The following ANKRD12 variants were observed in gnomAD, a reference collection of about 807,000 sequenced individuals.
The protein encoded by ANKRD12 is ankyrin repeat domain-containing protein 12.
In ANKRD12, 85 loss-of-function variants were observed where a neutral mutation model predicts 183.4. The observed-to-expected ratio is 0.46, with a 90% CI of 0.39 to 0.56. The LOEUF is 0.56. Among genes scored for constraint, ANKRD12 ranks in the 20% least tolerant of loss-of-function variants. The pLI, the probability that ANKRD12 is intolerant of heterozygous loss-of-function variation, is 0.00. For synonymous variants in ANKRD12, 914 were observed against 800.2 expected (o/e 1.14, Z -2.40); for missense variants, 2,405 against 2,357.1 (o/e 1.02, Z -0.42).
intron 2 of ANKRD12, among the ~76,000 whole-genome samples, chr18:9,189,499 C>T (rs1198050176): frequency 6.6e-6 from 1 of 152,138 alleles, no homozygotes; most frequent in Non-Finnish European, 1.5e-5. Context: ...GAAAAAGATA[C>T]CATGTAGGAC....
chr18:9,280,525 A>T (rs1008133912), intron 12 of ANKRD12, among the ~76,000 whole-genome samples: 6 of 152,214 alleles, frequency 3.9e-5, no homozygotes, highest in African/African-American at 1.2e-4. Flanking sequence ...GTGGCAGTTC[A>T]CACGTGTAAT....
chr18:9,208,593 C>T, intron 4 of ANKRD12, 64 bp from the exon 5 acceptor site: 1 of 1,459,328 alleles, frequency 6.9e-7, no homozygotes, highest in Non-Finnish European at 9.2e-7. Flanking sequence ...AAAAATTCAT[C>T]TTAAACTTGC....
chr18:9,204,108 G>GT (rs1251086261), intron 3 of ANKRD12, among the ~76,000 whole-genome samples: 4 of 152,174 alleles, frequency 2.6e-5, no homozygotes, highest in African/African-American at 9.7e-5. Context: ...AACAAAAAGT[G>GT]TAAGACAAGT....
At chr18:9,193,640 C>A (rs114980156) in intron 2 of ANKRD12, among the ~76,000 whole-genome samples, 2 of 152,162 alleles carry the variant, frequency 1.3e-5, no homozygotes, top group East Asian at 3.9e-4. Flanking sequence ...AAAAAAATGA[C>A]ATTAATTTGT....
At chr18:9,161,637 A>G (rs889473526) in intron 1 of ANKRD12, among the ~76,000 whole-genome samples, 24 of 151,992 alleles carry the variant, frequency 1.6e-4, no homozygotes, top group African/African-American at 5.1e-4. Flanking sequence ...CGGCCTTCCA[A>G]AGTGCTGGGA....
intron 8 of ANKRD12, among the ~76,000 whole-genome samples, chr18:9,229,202 C>G (rs1393124505): frequency 1.3e-5 from 2 of 151,714 alleles, no homozygotes; most frequent in Admixed American, 1.3e-4. Context: ...TGTGCTCTCT[C>G]AGTCCCTGTA....
intron 1 of ANKRD12, among the ~76,000 whole-genome samples, chr18:9,179,563 T>C (rs746604051): frequency 4.6e-5 from 7 of 152,166 alleles, no homozygotes; most frequent in Non-Finnish European, 1.0e-4. Flanking sequence ...TCACCCAGAC[T>C]GGAGTGCAGT....
chr18:9,144,781 C>T lies in ANKRD12; in HGVS notation c.-52+7816C>T, dbSNP rs919503437. 5.9e-5 allele frequency among the ~76,000 whole-genome samples: 9 copies of T among 151,636 alleles called. No homozygotes were observed. The South Asian group carries it at 6.2e-4, about 11-fold the overall frequency. On this transcript the variant is annotated intron_variant, in intron 1 of 12. Transcript: ENST00000262126. Reference sequence around the variant, plus strand: ...TTGCTTCCTTTCAAAACTGCACCTTCAAAGATGATGATATTAAAAGAAAAG... The same window carrying T: ...TTGCTTCCTTTCAAAACTGCACCTTTAAAGATGATGATATTAAAAGAAAAG...
At chr18:9,269,843 A>AT (rs1568000508) in intron 10 of ANKRD12, among the ~76,000 whole-genome samples, 1 of 152,212 alleles carries the variant, frequency 6.6e-6, no homozygotes, top group African/African-American at 2.4e-5. Flanking sequence ...AGCCTACAAA[A>AT]TGGGAGAAAA....
In ANKRD12 at chr18:9,256,211, A is replaced by G; in HGVS notation, c.2944A>G (p.Lys982Glu). 3 of 1,577,714 alleles carry G rather than the reference A, an allele frequency of 1.9e-6. No individual in the cohort carries two copies. The highest frequency in any genetic ancestry group is 2.6e-6 in the Non-Finnish European group (3 of 1,169,398). The change falls in exon 9 of 13, where the codon AAA becomes GAA. Residue 982 changes from lysine to glutamate, a missense_variant. Physicochemically the swap from Lys to Glu is moderately conservative, Grantham distance 56. Coordinates refer to ENST00000262126, the MANE Select transcript of ANKRD12 (RefSeq NM_015208.5). ...TAACTCCAAACACATACAGGAAGAA[A>G]AAAAATCAAGTATAGTAGACGGTAA... ...ITNSKHIQEE[K>E]KSSIVDGNKA...
In ANKRD12 at chr18:9,257,694, A is replaced by T; in HGVS notation, c.4427A>T (p.Asn1476Ile). The T allele has an allele frequency of 3.7e-6, 6 of 1,613,860 alleles. No homozygotes were observed. Among genetic ancestry groups the T allele is most frequent in the Non-Finnish European group, 5.1e-6 (6 of 1,179,920 alleles). ...LSLRQTELPG[N>I]SCAQDPASFM... ...CTGCGCCAGACTGAACTGCCAGGAA[A>T]CTCTTGTGCTCAGGATCCGGCATCC... Residue 1476 changes from asparagine to isoleucine, a missense_variant, in exon 9 of 13, where the codon AAC (asparagine) becomes ATC (isoleucine). Around this residue, in one of 7 missense-constraint regions of ANKRD12, gnomAD observed 1,983 missense variants for 1,725.9 expected, o/e 1.15. Coordinates refer to ENST00000262126, the MANE Select transcript of ANKRD12 (RefSeq NM_015208.5).
chr18:9,164,873 G>A (rs1309715430), intron 1 of ANKRD12, among the ~76,000 whole-genome samples: 1 of 152,210 alleles, frequency 6.6e-6, no homozygotes, highest in African/African-American at 2.4e-5. Flanking sequence ...TATATAATCT[G>A]TTGTTTTTGA....
intron 7 of ANKRD12, among the ~76,000 whole-genome samples, chr18:9,219,790 A>G (rs2036314798): frequency 6.6e-6 from 1 of 151,972 alleles, no homozygotes; most frequent in African/African-American, 2.4e-5. Context: ...AATCGATAGT[A>G]CCAATGACCT....
At chr18:9,237,422 T>C (rs1291777857) in intron 8 of ANKRD12, among the ~76,000 whole-genome samples, 1 of 152,204 alleles carries the variant, frequency 6.6e-6, no homozygotes, top group African/African-American at 2.4e-5. Flanking sequence ...TCATGCTTCA[T>C]GATCTAGCAG....
intron 1 of ANKRD12, among the ~76,000 whole-genome samples, chr18:9,168,340 A>G (rs1237897621): frequency 6.6e-6 from 1 of 152,116 alleles, no homozygotes; most frequent in African/African-American, 2.4e-5. Flanking sequence ...CTGTGAATCC[A>G]TCTGGTCCTG....
rs767707285 is a variant in ANKRD12 at position 9,211,574 on chromosome 18, T to G, written c.452-10T>G. 1.2e-6 allele frequency: 2 copies of G among 1,612,296 alleles called. No homozygotes were observed. Among genetic ancestry groups the G allele is most frequent in the Middle Eastern group, 3.3e-4 (2 of 6,050 alleles). Reference sequence around the variant, plus strand: ...CCTAGAACTTCTGCTAACTTTCTTCTTTCTTACAGATTCCACACCAAATCA... The same window carrying G: ...CCTAGAACTTCTGCTAACTTTCTTCGTTCTTACAGATTCCACACCAAATCA... On this transcript the variant is annotated splice_polypyrimidine_tract_variant and intron_variant, in intron 5 of 12. Coordinates refer to ENST00000262126, the MANE Select transcript of ANKRD12 (RefSeq NM_015208.5).
intron 10 of ANKRD12, among the ~76,000 whole-genome samples, chr18:9,267,685 G>T (rs979372301): frequency 6.6e-6 from 1 of 152,026 alleles, no homozygotes; most frequent in African/African-American, 2.4e-5. Context: ...ATCTAAAATT[G>T]ACACCCTAAC....
chr18:9,157,758 T>G (rs945317624), intron 1 of ANKRD12, among the ~76,000 whole-genome samples: 1 of 151,800 alleles, frequency 6.6e-6, no homozygotes, highest in African/African-American at 2.4e-5. Flanking sequence ...CTAAAAAATA[T>G]GCAACAAAAA....
chr18:9,255,223 A>G lies in ANKRD12; in HGVS notation c.1956A>G (p.Lys652=), dbSNP rs760217303. Residue 652 remains lysine (K), a synonymous_variant, in exon 9 of 13, where the codon AAA becomes AAG. Coordinates refer to ENST00000262126, the MANE Select transcript of ANKRD12 (RefSeq NM_015208.5). ...ATAAAGAAGGTAAAACATTAAAAAA[A>G]CATAAATTGAAGCATAAAGAGAGGG... ...KMDKEGKTLK[K]HKLKHKEREK... is the part of the protein sequence containing the mutation. The G allele has an allele frequency of 6.4e-6, 10 of 1,573,580 alleles. No homozygotes were observed. The African/African-American group carries it at 1.4e-4, about 22-fold the overall frequency.
Sources: allele counts gnomAD v4.1 joint callset (sites outside exome capture counted in the v4.1 genomes callset), GRCh38; gene constraint gnomAD v4.1.1; regional missense constraint gnomAD v4.1.1; transcripts MANE v1.5; gene names NCBI Gene and HGNC (gene_info 2026-07-23, HGNC 2026-07-21).